CRB1: variants seen among roughly 807,000 people sequenced by gnomAD.
CRB1 encodes the protein crumbs cell polarity complex component 1.
Under a neutral mutation model 120.0 loss-of-function variants are expected in CRB1, and 83 were observed. The ratio of observed to expected loss-of-function variants is 0.69; its 90% confidence interval spans 0.58 to 0.83. The LOEUF is 0.83. CRB1 is among the 40% of genes least tolerant of loss of function. CRB1 has a pLI of 0.00. For synonymous variants in CRB1, 625 were observed against 612.5 expected (o/e 1.02, Z -0.30); for missense variants, 1,699 against 1,687.6 (o/e 1.01, Z -0.12).
intron 1 of CRB1, among the ~76,000 whole-genome samples, chr1:197,296,164 T>A (rs1445804317): frequency 6.6e-6 from 1 of 152,050 alleles, no homozygotes; most frequent in Non-Finnish European, 1.5e-5. Flanking sequence ...ATAATGTTCA[T>A]AGTATATTAA....
intron 1 of CRB1, among the ~76,000 whole-genome samples, chr1:197,292,404 G>A (rs1571779587): frequency 6.6e-6 from 1 of 152,060 alleles, no homozygotes; most frequent in East Asian, 1.9e-4. Flanking sequence ...CTCTGAAATT[G>A]AGGCAATAAT....
chr1:197,405,518 C>G (rs1306111118), intron 5 of CRB1, among the ~76,000 whole-genome samples: 1 of 151,792 alleles, frequency 6.6e-6, no homozygotes. Context: ...AAGTGAGGAG[C>G]GTCTCTGCCT....
intron 5 of CRB1, among the ~76,000 whole-genome samples, chr1:197,418,749 T>C (rs1005183686): frequency 1.3e-5 from 2 of 152,178 alleles, no homozygotes; most frequent in Admixed American, 6.5e-5. Context: ...CCAAAATTAA[T>C]TACTAAATGG....
intron 5 of CRB1, among the ~76,000 whole-genome samples, chr1:197,369,862 A>G (rs1661279186): frequency 6.6e-6 from 1 of 152,168 alleles, no homozygotes; most frequent in Non-Finnish European, 1.5e-5. Context: ...GCTTAAGCTC[A>G]AATCATGCTA....
chr1:197,335,231 CTGTT>C (rs1659085106), intron 2 of CRB1, among the ~76,000 whole-genome samples: 1 of 151,980 alleles, frequency 6.6e-6, no homozygotes, highest in Non-Finnish European at 1.5e-5. Context: ...TGAGGTCAGA[CTGTT>C]TGGGACCTTG....
intron 4 of CRB1, among the ~76,000 whole-genome samples, chr1:197,355,199 A>C (rs1660396607): frequency 6.6e-6 from 1 of 151,884 alleles, no homozygotes; most frequent in African/African-American, 2.4e-5. Context: ...TCAAGTCCCC[A>C]CCAGATTAGC....
chr1:197,429,629 A>C lies in CRB1; in HGVS notation c.2842+15A>C. The C allele has an allele frequency of 6.2e-7, 1 of 1,613,198 alleles. No individual in the cohort carries two copies. The highest frequency in any genetic ancestry group is 1.1e-5 in the South Asian group (1 of 91,050). Reference sequence around the variant, plus strand: ...AGGATTTGAATGTAGGTAGAGTTCAAACCTACCATCTCACCAGTTAAGTTG... The same window carrying C: ...AGGATTTGAATGTAGGTAGAGTTCACACCTACCATCTCACCAGTTAAGTTG... On this transcript the variant is annotated intron_variant, in intron 8 of 11. Transcript: ENST00000367400.
intron 10 of CRB1, chr1:197,440,063 A>G (rs1029755354): frequency 6.6e-6 from 1 of 152,166 alleles, no homozygotes; most frequent in Admixed American, 6.6e-5. Flanking sequence ...TGGTTCTGCA[A>G]CTTATTAACT....
intron 1 of CRB1, among the ~76,000 whole-genome samples, chr1:197,272,992 A>G (rs1357474270): frequency 6.6e-6 from 1 of 152,182 alleles, no homozygotes; most frequent in African/African-American, 2.4e-5. Flanking sequence ...AGATAATCTC[A>G]CAGAAGGGGT....
rs1210947696 is a variant in CRB1, at chr1:197,355,465, G to A, written c.989-1366G>A. Among the ~76,000 whole-genome samples, 5 of 152,224 alleles carry A rather than the reference G, an allele frequency of 3.3e-5. No individual in the cohort carries two copies. The East Asian group carries it at 9.6e-4, about 29-fold the overall frequency. ...GCAGGGGGTGGTGCTCATCCTGGAA[G>A]CTGGGGCTGCTCAGGAGCCCTGGGG... On this transcript the variant is annotated intron_variant, in intron 4 of 11. Transcript: ENST00000367400.
chr1:197,414,042 T>G (rs1321582503), intron 5 of CRB1: 6 of 426,374 alleles, frequency 1.4e-5, no homozygotes, highest in Non-Finnish European at 2.4e-5. Context: ...TGCAACATGC[T>G]TAGTGTTTTT....
At chr1:197,229,251 T>G in the CRB1 span, among the ~76,000 whole-genome samples, 1 of 152,238 alleles carries the variant, frequency 6.6e-6, no homozygotes, top group South Asian at 2.1e-4. Context: ...TGTGGTGTAC[T>G]CTTCTTGAGT....
At chr1:197,409,148 C>G (rs1663568572) in intron 5 of CRB1, among the ~76,000 whole-genome samples, 1 of 152,142 alleles carries the variant, frequency 6.6e-6, no homozygotes, top group South Asian at 2.1e-4. Flanking sequence ...TCTCTTGCAT[C>G]AGAACTTTAG....
At chr1:197,260,422 AT>A in the CRB1 span, among the ~76,000 whole-genome samples, 1 of 151,996 alleles carries the variant, frequency 6.6e-6, no homozygotes, top group Non-Finnish European at 1.5e-5. Context: ...AAGTCACAAA[AT>A]TTTAAGAAAT....
At chr1:197,243,316 A>C in the CRB1 span, among the ~76,000 whole-genome samples, 5 of 152,024 alleles carry the variant, frequency 3.3e-5, no homozygotes, top group Non-Finnish European at 7.4e-5. Context: ...TGGGCATTTA[A>C]TGCTATAAAT....
intron 10 of CRB1, chr1:197,441,558 T>G (rs1247280298): frequency 6.6e-6 from 1 of 152,096 alleles, no homozygotes; most frequent in Non-Finnish European, 1.5e-5. Flanking sequence ...TTCTAATTAT[T>G]GATTTTTGCT....
At chr1:197,259,229 G>A in the CRB1 span, among the ~76,000 whole-genome samples, 11 of 152,130 alleles carry the variant, frequency 7.2e-5, no homozygotes, top group African/African-American at 1.7e-4. Flanking sequence ...ACATGCATAC[G>A]TATGTTTATT....
At position 197,299,947 on chromosome 1, in the gene CRB1, T is replaced by C. The variant is rs189616297; in HGVS notation, c.71-28475T>C. 5.8e-4 allele frequency among the ~76,000 whole-genome samples: 88 copies of C among 152,038 alleles called. 2 individuals carry two copies. The highest frequency in any genetic ancestry group is 1.9e-3 in the African/African-American group (78 of 41,378). On this transcript the variant is annotated intron_variant, in intron 1 of 11. Coordinates refer to ENST00000367400, the MANE Select transcript of CRB1 (RefSeq NM_201253.3). ...TGCAATATCTCAAACTTTTTCAGTATTTTGTTACATGTGTTAGGGTAATCT... is the reference window on the plus strand; with the variant it reads ...TGCAATATCTCAAACTTTTTCAGTACTTTGTTACATGTGTTAGGGTAATCT...
At chr1:197,439,162 G>C (rs1665309774) in intron 10 of CRB1, 1 of 166,034 alleles carries the variant, frequency 6.0e-6, no homozygotes, top group Non-Finnish European at 1.3e-5. Flanking sequence ...TTGGTCAATG[G>C]CTTCAGGCAA....
Sources: gnomAD v4.1 joint callset for allele counts (sites outside exome capture counted in the v4.1 genomes callset) on GRCh38, gnomAD v4.1.1 for gene constraint, MANE v1.5 for transcripts, NCBI Gene and HGNC (gene_info 2026-07-23, HGNC 2026-07-21) for gene names.